Variants in LINGO2 observed in about 807,000 individuals in gnomAD.
The protein encoded by LINGO2 is leucine-rich repeat and immunoglobulin-like domain-containing nogo receptor-interacting protein 2.
Under a neutral mutation model 30.6 loss-of-function variants are expected in LINGO2, and 14 were observed. The observed-to-expected ratio is 0.46, with a 90% CI of 0.30 to 0.72. LINGO2 has a LOEUF of 0.72. LINGO2 is among the 30% of genes least tolerant of loss of function. The probability of loss-of-function intolerance (pLI) is 0.07; values close to 1 mark genes in which losing one functional copy is unlikely to be tolerated. For missense variants in LINGO2, 729 were observed against 751.7 expected, an observed-to-expected ratio of 0.97 and a Z score of 0.35; for synonymous variants, 317 against 288.5, an observed-to-expected ratio of 1.10 and a Z score of -1.00.
chr9:27,962,995 G>A (rs6476032), intron 5 of LINGO2, among the ~76,000 whole-genome samples: 23,371 of 151,992 alleles, frequency 0.15, 4,238 homozygotes, highest in African/African-American at 0.42. Context: ...TTCATGTAAG[G>A]AACACAAATC....
At chr9:29,130,256 CA>C in the LINGO2 span, among the ~76,000 whole-genome samples, 1 of 152,080 alleles carries the variant, frequency 6.6e-6, no homozygotes, top group Non-Finnish European at 1.5e-5. Flanking sequence ...CCTATCAGAA[CA>C]AAGGCAGCTA....
the LINGO2 span, among the ~76,000 whole-genome samples, chr9:28,747,662 C>T: frequency 2.0e-5 from 3 of 152,106 alleles, no homozygotes; most frequent in East Asian, 1.9e-4. Flanking sequence ...ATGCAGTGGC[C>T]GAACAGAGAG....
intron 2 of LINGO2, among the ~76,000 whole-genome samples, chr9:28,450,995 A>T (rs1385358593): frequency 1.3e-5 from 2 of 151,964 alleles, no homozygotes; most frequent in East Asian, 3.9e-4. Context: ...AATAGTCTTA[A>T]TTTTTTTCAT....
At chr9:28,848,115 C>G in the LINGO2 span, among the ~76,000 whole-genome samples, 2 of 51,012 alleles carry the variant, frequency 3.9e-5, no homozygotes, top group Non-Finnish European at 7.7e-5. Flanking sequence ...TATATACACA[C>G]TATATATACA....
chr9:28,707,838 T>A, the LINGO2 span, among the ~76,000 whole-genome samples: 2 of 152,252 alleles, frequency 1.3e-5, no homozygotes, highest in African/African-American at 4.8e-5. Flanking sequence ...AGAAAGGGAC[T>A]CGCAGGGAGT....
intron 3 of LINGO2, among the ~76,000 whole-genome samples, chr9:28,303,732 T>C (rs1362717895): frequency 6.6e-6 from 1 of 152,050 alleles, no homozygotes; most frequent in Non-Finnish European, 1.5e-5. Flanking sequence ...AATACCTTTA[T>C]GGGTTATCAT....
chr9:28,925,757 C>T, the LINGO2 span, among the ~76,000 whole-genome samples: 1 of 152,176 alleles, frequency 6.6e-6, no homozygotes, highest in African/African-American at 2.4e-5. Flanking sequence ...GTAAGGACAG[C>T]TGTTCTCAAG....
rs527419236 is a variant in LINGO2 at position 27,981,918 on chromosome 9, A to G, written c.-36+30437T>C. ...ACATCCAAGCAACATGTACCAGGTT[A>G]GTTTGAGGTTTAATCAATAAAATTG... On this transcript the variant is annotated intron_variant, in intron 5 of 5. Coordinates refer to ENST00000379992, the Ensembl canonical transcript of LINGO2. 1.4e-4 allele frequency among the ~76,000 whole-genome samples: 21 copies of G among 152,010 alleles called. 1 individual carries two copies. Among genetic ancestry groups the G allele is most frequent in the Admixed American group, 8.5e-4 (13 of 15,236 alleles).
At chr9:28,850,730 G>T in the LINGO2 span, among the ~76,000 whole-genome samples, 1 of 151,966 alleles carries the variant, frequency 6.6e-6, no homozygotes, top group Admixed American at 6.6e-5. Context: ...AGTTAGAAAT[G>T]AGCTAACATT....
intron 1 of LINGO2, among the ~76,000 whole-genome samples, chr9:28,586,341 T>C (rs1022867450): frequency 2.0e-5 from 3 of 152,052 alleles, no homozygotes; most frequent in South Asian, 2.1e-4. Context: ...TCATTTCTCA[T>C]TGGGTTTCAC....
the LINGO2 span, among the ~76,000 whole-genome samples, chr9:29,173,468 G>A: frequency 1.3e-5 from 2 of 152,226 alleles, no homozygotes; most frequent in Non-Finnish European, 2.9e-5. Flanking sequence ...TGCTATGTAG[G>A]AGCAAGTCCC....
chr9:29,101,502 T>C, the LINGO2 span, among the ~76,000 whole-genome samples: 1 of 152,306 alleles, frequency 6.6e-6, no homozygotes, highest in East Asian at 1.9e-4. Context: ...TTTGTAGCTA[T>C]TAACCATCCC....
the LINGO2 span, among the ~76,000 whole-genome samples, chr9:28,795,759 G>T: frequency 6.6e-6 from 1 of 151,886 alleles, no homozygotes; most frequent in Non-Finnish European, 1.5e-5. Context: ...TAAAAAATCT[G>T]TATTCCTTTT....
chr9:28,846,009 C>T, the LINGO2 span, among the ~76,000 whole-genome samples: 2 of 151,042 alleles, frequency 1.3e-5, no homozygotes, highest in Non-Finnish European at 2.9e-5. Context: ...GTATCAAACA[C>T]ACACACACAC....
At chr9:28,414,435 G>T (rs1822892277) in intron 2 of LINGO2, among the ~76,000 whole-genome samples, 1 of 152,082 alleles carries the variant, frequency 6.6e-6, no homozygotes, top group Non-Finnish European at 1.5e-5. Context: ...CCATGTGCTT[G>T]CAAGTCTTCA....
chr9:28,539,111 AG>A lies in LINGO2; in HGVS notation c.-364-63087del, dbSNP rs1487631803. Among the ~76,000 whole-genome samples the A allele has an allele frequency of 5.9e-5, 9 of 152,212 alleles. No individual in the cohort carries two copies. The East Asian group carries it at 1.7e-3, about 29-fold the overall frequency. The stretch of plus-strand genomic sequence containing the variant: ...CTAAATAAAAGATATTCTTTCAGTA[AG>A]GTTGAAATTAAAGATATAAAAGAAG... On this transcript the variant is annotated intron_variant, in intron 1 of 5. Coordinates refer to ENST00000379992, the Ensembl canonical transcript of LINGO2.
chr9:28,701,619 T>C, the LINGO2 span, among the ~76,000 whole-genome samples: 1 of 151,962 alleles, frequency 6.6e-6, no homozygotes, highest in Non-Finnish European at 1.5e-5. Context: ...GTGTTAGCTA[T>C]TCTGGGTCTT....
chr9:28,483,621 T>G (rs555574338), intron 1 of LINGO2, among the ~76,000 whole-genome samples: 1 of 152,194 alleles, frequency 6.6e-6, no homozygotes, highest in South Asian at 2.1e-4. Flanking sequence ...AAATAACTGT[T>G]AAGTATGTAC....
chr9:28,950,557 C>A, the LINGO2 span, among the ~76,000 whole-genome samples: 1 of 146,730 alleles, frequency 6.8e-6, no homozygotes, highest in South Asian at 2.1e-4. Context: ...TCTCAGGATA[C>A]AAAATCAATG....
Sources: gnomAD v4.1 joint callset for allele counts (sites outside exome capture counted in the v4.1 genomes callset) on GRCh38, gnomAD v4.1.1 for gene constraint, MANE v1.5 for transcripts, NCBI Gene and HGNC (gene_info 2026-07-23, HGNC 2026-07-21) for gene names.